FAM171A1: variants seen among roughly 807,000 people sequenced by gnomAD.
The protein encoded by FAM171A1 is protein FAM171A1.
FAM171A1 carries 23 observed loss-of-function variants against 74.9 expected under a neutral mutation model. The ratio of observed to expected loss-of-function variants is 0.31; its 90% CI spans 0.22 to 0.44. FAM171A1 has a LOEUF of 0.44. FAM171A1 is among the 20% of genes least tolerant of loss of function. The pLI is 1.00. For synonymous variants in FAM171A1, 527 were observed against 505.7 expected (o/e 1.04, Z -0.57); for missense variants, 1,162 against 1,159.2 (o/e 1.00, Z -0.03).
At chr10:15,217,863 C>T (rs930124619) in intron 6 of FAM171A1, among the ~76,000 whole-genome samples, 24 of 152,012 alleles carry the variant, frequency 1.6e-4, no homozygotes, top group African/African-American at 5.3e-4. Context: ...GAACTCCTGA[C>T]CTCATCATCC....
chr10:15,252,987 T>C (rs1450899541), intron 4 of FAM171A1, among the ~76,000 whole-genome samples: 2 of 152,108 alleles, frequency 1.3e-5, no homozygotes, highest in African/African-American at 2.4e-5. Context: ...ATGCTGGCTA[T>C]GATATTTTAA....
chr10:15,312,952 C>T (rs1040221411), intron 1 of FAM171A1, among the ~76,000 whole-genome samples: 2 of 151,938 alleles, frequency 1.3e-5, no homozygotes, highest in Non-Finnish European at 2.9e-5. Context: ...TCCTCGGCCT[C>T]CCAAAGTGCT....
chr10:15,214,394 A>G lies in FAM171A1; in HGVS notation c.1194T>C (p.His398=), dbSNP rs201274032. The G allele has an allele frequency of 1.4e-5, 22 of 1,613,752 alleles. No individual in the cohort carries two copies. The highest frequency in any genetic ancestry group is 1.7e-5 in the Non-Finnish European group (20 of 1,179,920). ...CGCCGCCCGGAGACATCATTTCCAA[A>G]TGGACTCCACTCATCAGTTCCTTCG... ...PGTKELMSGV[H]LEMMSPGGEG... The change falls in exon 8 of 8, where the codon CAT becomes CAC. Residue 398 remains histidine (H), a synonymous_variant. Transcript: ENST00000378116.
At chr10:15,354,270 C>A (rs1187302080) in intron 1 of FAM171A1, among the ~76,000 whole-genome samples, 2 of 151,974 alleles carry the variant, frequency 1.3e-5, no homozygotes, top group Non-Finnish European at 2.9e-5. Flanking sequence ...CTGAGGTGGG[C>A]GGATCACCTG....
At chr10:15,247,994 C>A (rs547964761) in intron 5 of FAM171A1, among the ~76,000 whole-genome samples, 11 of 152,148 alleles carry the variant, frequency 7.2e-5, no homozygotes, top group Non-Finnish European at 1.5e-4. Flanking sequence ...AGCTTGACAG[C>A]CGCCTTGTAA....
At position 15,275,773 on chromosome 10, in the gene FAM171A1, C is replaced by T. The variant is rs994272234; in HGVS notation, c.418+82G>A. Reference sequence around the variant, plus strand: ...CAATCCACCTTGTATACAAACATCACATCACATTGTACACCATAAATGTAT... The same window carrying T: ...CAATCCACCTTGTATACAAACATCATATCACATTGTACACCATAAATGTAT... On this transcript the variant is annotated intron_variant, in intron 3 of 7. Coordinates refer to ENST00000378116, the MANE Select transcript of FAM171A1 (RefSeq NM_001010924.2). The T allele has an allele frequency of 1.5e-5, 13 of 895,902 alleles. No individual in the cohort carries two copies. The Admixed American group carries it at 1.5e-4, about 10-fold the overall frequency. 55.5% of individuals were successfully genotyped at this position (895,902 alleles called of 1,614,324 possible).
chr10:15,319,096 C>T (rs79854428), intron 1 of FAM171A1, among the ~76,000 whole-genome samples: 1,675 of 152,268 alleles, frequency 0.011, 31 homozygotes, highest in African/African-American at 0.038. Flanking sequence ...GCAGGTGACA[C>T]GTCTGGAGGG....
chr10:15,303,284 G>A (rs2131829662), intron 1 of FAM171A1, among the ~76,000 whole-genome samples: 1 of 152,192 alleles, frequency 6.6e-6, no homozygotes, highest in East Asian at 1.9e-4. Context: ...ATTTATAGGA[G>A]TTTTCTAAGA....
intron 5 of FAM171A1, among the ~76,000 whole-genome samples, chr10:15,229,897 T>C (rs931378671): frequency 2.6e-5 from 2 of 75,776 alleles, no homozygotes; most frequent in South Asian, 6.3e-4. Flanking sequence ...ACCATCACCA[T>C]CATCACCATC....
intron 1 of FAM171A1, among the ~76,000 whole-genome samples, chr10:15,319,894 A>T (rs1165026221): frequency 6.6e-6 from 1 of 152,230 alleles, no homozygotes; most frequent in Non-Finnish European, 1.5e-5. Context: ...TTTAATGAGA[A>T]CATCAGGTAA....
At chr10:15,280,246 C>CA (rs1446351388) in intron 2 of FAM171A1, among the ~76,000 whole-genome samples, 1 of 152,166 alleles carries the variant, frequency 6.6e-6, no homozygotes, top group African/African-American at 2.4e-5. Flanking sequence ...GGCTCCGTGT[C>CA]ACGTTTACTT....
chr10:15,265,092 A>G (rs546956003), intron 3 of FAM171A1, among the ~76,000 whole-genome samples: 2 of 152,326 alleles, frequency 1.3e-5, no homozygotes, highest in African/African-American at 4.8e-5. Context: ...ATGAGATTAT[A>G]AAAAGGTGCA....
At chr10:15,216,668 G>A (rs960626536) in intron 6 of FAM171A1, among the ~76,000 whole-genome samples, 2 of 151,986 alleles carry the variant, frequency 1.3e-5, no homozygotes, top group Middle Eastern at 3.4e-3. Context: ...TCCTGAGTTC[G>A]AGCAATCCAC....
In FAM171A1 at chr10:15,347,788, T is replaced by A. The variant is rs558675382; in HGVS notation, c.97+23168A>T. ...AGGCAGATGTTGCAGTAAGCCGAGA[T>A]CGCACCACTGCACTCCAGCCTGGGC... On this transcript the variant is annotated intron_variant, in intron 1 of 7. Transcript: ENST00000378116. Among the ~76,000 whole-genome samples the A allele has an allele frequency of 4.6e-4, 61 of 131,778 alleles. No homozygotes were observed. In the South Asian group the frequency reaches 0.014, roughly 30 times the overall value. 86.5% of individuals were successfully genotyped at this position (131,778 alleles called of 152,430 possible).
chr10:15,339,985 A>T (rs1835747548), intron 1 of FAM171A1, among the ~76,000 whole-genome samples: 1 of 152,208 alleles, frequency 6.6e-6, no homozygotes, highest in Non-Finnish European at 1.5e-5. Context: ...TCATGAGAAC[A>T]GCATGGGGGA....
intron 3 of FAM171A1, among the ~76,000 whole-genome samples, chr10:15,273,877 A>T (rs1320638460): frequency 6.6e-6 from 1 of 152,208 alleles, no homozygotes; most frequent in East Asian, 1.9e-4. Context: ...TATTGATGGG[A>T]TGTATCTCAA....
At chr10:15,288,150 T>C (rs1315528884) in intron 1 of FAM171A1, among the ~76,000 whole-genome samples, 1 of 152,280 alleles carries the variant, frequency 6.6e-6, no homozygotes, top group Non-Finnish European at 1.5e-5. Flanking sequence ...ACATTTTCTT[T>C]ATCCACTCAT....
intron 1 of FAM171A1, among the ~76,000 whole-genome samples, chr10:15,306,246 CTGTT>C (rs1321008292): frequency 2.0e-5 from 3 of 152,150 alleles, no homozygotes; most frequent in African/African-American, 4.8e-5. Context: ...GACAGGTAAA[CTGTT>C]TGGGGTTCTT....
intron 6 of FAM171A1, among the ~76,000 whole-genome samples, chr10:15,216,434 ATT>A (rs550305545): frequency 1.4e-5 from 2 of 145,540 alleles, no homozygotes; most frequent in Admixed American, 6.9e-5. Context: ...GATCTTTTTA[ATT>A]TTTTTTTTTT....
Sources: gnomAD v4.1 joint callset for allele counts (sites outside exome capture counted in the v4.1 genomes callset) on GRCh38, gnomAD v4.1.1 for gene constraint, MANE v1.5 for transcripts, NCBI Gene and HGNC (gene_info 2026-07-23, HGNC 2026-07-21) for gene names.